The following DNAH7 variants were observed in gnomAD, a reference collection of about 807,000 sequenced individuals.
The protein encoded by DNAH7 is dynein axonemal heavy chain 7.
Under a neutral mutation model 444.6 loss-of-function variants are expected in DNAH7, and 397 were observed. The ratio of observed to expected loss-of-function variants is 0.89; its 90% CI spans 0.82 to 0.97. The LOEUF is 0.97. Ranked by LOEUF, DNAH7 falls within the 50% of genes least tolerant of loss-of-function variation. The pLI, the probability that DNAH7 is intolerant of heterozygous loss-of-function variation, is 0.00. For synonymous variants in DNAH7, 1,636 were observed against 1,624.4 expected, an observed-to-expected ratio of 1.01 and a Z score of -0.17; for missense variants, 4,902 against 4,800.8, an observed-to-expected ratio of 1.02 and a Z score of -0.62.
In DNAH7 at chr2:195,988,061, C is replaced by G. The variant is rs1165182268; in HGVS notation, c.1522G>C (p.Asp508His). 1.2e-6 allele frequency: 2 copies of G among 1,613,474 alleles called. No homozygotes were observed. Among genetic ancestry groups the G allele is most frequent in the African/African-American group, 2.7e-5 (2 of 74,860 alleles). ...DFLITRKAER[D>H]VDNFLAENHS... is the part of the protein sequence containing the mutation. ...TTTTCTGCGAGGAAGTTATCAACATCTCGCTCAGCTTTTCTGGTAATTAAA... is the reference window on the plus strand; with the variant it reads ...TTTTCTGCGAGGAAGTTATCAACATGTCGCTCAGCTTTTCTGGTAATTAAA... Residue 508 changes from aspartate to histidine, a missense_variant, in exon 13 of 65, where the codon GAT becomes CAT. By Grantham distance (81) the Asp-to-His change is moderately conservative. Coordinates refer to ENST00000312428, the MANE Select transcript of DNAH7 (RefSeq NM_018897.3).
chr2:196,060,947 A>C (rs1274793652), intron 1 of DNAH7, among the ~76,000 whole-genome samples: 1 of 152,104 alleles, frequency 6.6e-6, no homozygotes, highest in Non-Finnish European at 1.5e-5. Flanking sequence ...ATTCATTCTC[A>C]TTTTTTAAAG....
intron 61 of DNAH7, among the ~76,000 whole-genome samples, chr2:195,764,756 T>C (rs1204091520): frequency 6.6e-6 from 1 of 152,026 alleles, no homozygotes; most frequent in Non-Finnish European, 1.5e-5. Context: ...AATGGAAAGA[T>C]ATTCCATGTC....
chr2:195,808,276 G>A (rs1477657742), intron 53 of DNAH7, among the ~76,000 whole-genome samples: 1 of 152,174 alleles, frequency 6.6e-6, no homozygotes, highest in East Asian at 1.9e-4. Flanking sequence ...TAGAACTACT[G>A]TACAAGCTTT....
At chr2:195,963,596 G>A (rs560434499) in intron 17 of DNAH7, among the ~76,000 whole-genome samples, 1 of 152,262 alleles carries the variant, frequency 6.6e-6, no homozygotes, top group East Asian at 1.9e-4. Flanking sequence ...CCTTTGTTGT[G>A]CAGAAGTTTT....
At chr2:196,025,275 T>G (rs1695613403) in intron 7 of DNAH7, among the ~76,000 whole-genome samples, 1 of 152,176 alleles carries the variant, frequency 6.6e-6, no homozygotes, top group Non-Finnish European at 1.5e-5. Flanking sequence ...ATCAGAGAAG[T>G]CAGCTACCTC....
At chr2:195,953,835 A>G (rs955785928) in intron 19 of DNAH7, among the ~76,000 whole-genome samples, 5 of 152,236 alleles carry the variant, frequency 3.3e-5, no homozygotes, top group African/African-American at 1.2e-4. Context: ...AATGAAGGCA[A>G]TAACCTGATG....
In DNAH7 at chr2:196,006,047, C is replaced by T. The variant is rs186618221; in HGVS notation, c.990-4189G>A. Among the ~76,000 whole-genome samples the T allele has an allele frequency of 4.6e-5, 7 of 152,264 alleles. No homozygotes were observed. The South Asian group carries it at 1.2e-3, about 27-fold the overall frequency. On this transcript the variant is annotated intron_variant, in intron 10 of 64. Coordinates refer to ENST00000312428, the MANE Select transcript of DNAH7 (RefSeq NM_018897.3). ...AGTATTATATGATCATATGTGATGG[C>T]TCATGCCTGTAATCCCAACACTTTG...
intron 19 of DNAH7, among the ~76,000 whole-genome samples, chr2:195,947,547 G>A (rs1418073694): frequency 6.6e-6 from 1 of 151,990 alleles, no homozygotes; most frequent in Non-Finnish European, 1.5e-5. Context: ...TGTAGTGTTT[G>A]GTTTTCTGTT....
At chr2:195,960,168 T>A (rs565149424) in intron 18 of DNAH7, 92 bp downstream of exon 18, 3 of 1,024,532 alleles carry the variant, frequency 2.9e-6, no homozygotes, top group Non-Finnish European at 4.2e-6. Flanking sequence ...TATGAAATAT[T>A]ATGTGTGAAA....
intron 21 of DNAH7, among the ~76,000 whole-genome samples, chr2:195,932,889 C>T (rs1193554269): frequency 2.6e-5 from 4 of 151,900 alleles, no homozygotes; most frequent in South Asian, 2.1e-4. Context: ...TCTTTTTTTG[C>T]TGTGTCTCTG....
At chr2:196,068,635 C>A in intron 1 of DNAH7, 62 bp downstream of exon 1, 1 of 1,547,992 alleles carries the variant, frequency 6.5e-7, no homozygotes, top group African/African-American at 1.4e-5. Flanking sequence ...GCTTCCACCA[C>A]TTCCGAAACG....
At chr2:195,894,865 T>G (rs1702215124) in intron 30 of DNAH7, 111 bp downstream of exon 30, 1 of 1,102,716 alleles carries the variant, frequency 9.1e-7, no homozygotes, top group Non-Finnish European at 1.2e-6. Context: ...TTTGACTCAT[T>G]TTTCTCATGA....
At position 195,890,123 on chromosome 2, in the gene DNAH7, G is replaced by A. The variant is rs16841622; in HGVS notation, c.5047-1142C>T. Among the ~76,000 whole-genome samples, 2,941 of 152,198 alleles carry A rather than the reference G, an allele frequency of 0.019. 235 individuals carry two copies. The East Asian group carries it at 0.26, about 14-fold the overall frequency. On this transcript the variant is annotated intron_variant, in intron 31 of 64. Transcript: ENST00000312428. ...GAAGGATTTGAATCCATATTAGCAC[G>A]TTCTCAGTCCCTGCAGCCAACTGCA...
At chr2:195,986,874 G>C (rs1228330360) in intron 14 of DNAH7, among the ~76,000 whole-genome samples, 192 bp downstream of exon 14, 1 of 151,962 alleles carries the variant, frequency 6.6e-6, no homozygotes, top group Non-Finnish European at 1.5e-5. Context: ...CACATTTGTG[G>C]TGAAAAAAAT....
chr2:195,896,125 C>T (rs1702291764), intron 29 of DNAH7, among the ~76,000 whole-genome samples: 1 of 152,198 alleles, frequency 6.6e-6, no homozygotes, highest in South Asian at 2.1e-4. Context: ...TTTTAAGAAA[C>T]TGCTTAACTG....
Position 195,984,693 on chromosome 2 carries a change from T to G in DNAH7, c.1772A>C (p.Glu591Ala). Residue 591 changes from glutamate (E) to alanine (A), a missense_variant, in exon 15 of 65, where the codon GAG (glutamate) becomes GCG (alanine). Glu to Ala is a moderately radical substitution (Grantham distance 107). Transcript: ENST00000312428. ...EVNTRLCDEF[E>A]RIAEKALSTP... ...GCTAAGAGCTTTTTCAGCTATCCTC[T>G]CAAATTCATCGCATAATCTGAAACA... 1 of 1,613,968 alleles carries G rather than the reference T, an allele frequency of 6.2e-7. No homozygotes were observed. Among genetic ancestry groups the G allele is most frequent in the Non-Finnish European group, 8.5e-7 (1 of 1,179,934 alleles).
chr2:196,068,451 G>T, intron 1 of DNAH7: 1 of 558,844 alleles, frequency 1.8e-6, no homozygotes, highest in Non-Finnish European at 3.1e-6. Context: ...GGCTCCCCCT[G>T]CTGGCGCGCC....
chr2:195,773,420 C>CA lies in DNAH7; in HGVS notation c.11203-1531dup, dbSNP rs10718599. ...TATTCTAACAAGAGCTGTGCCTCTG[C>CA]AAAAAAAAAAAACAAATCCAGGTCT... On this transcript the variant is annotated intron_variant, in intron 60 of 64. Transcript: ENST00000312428. Among the ~76,000 whole-genome samples, 188 of 141,028 alleles carry CA rather than the reference C, an allele frequency of 1.3e-3. 2 individuals are homozygous for CA. Among genetic ancestry groups the CA allele is most frequent in the African/African-American group, 4.5e-3 (172 of 38,438 alleles). The allele number at this position is 141,028 out of a possible 152,430, so 92.5% of individuals were successfully genotyped here.
At chr2:195,888,158 A>C (rs1051622348) in intron 33 of DNAH7, 100 bp downstream of exon 33, 5 of 953,558 alleles carry the variant, frequency 5.2e-6, no homozygotes, top group Non-Finnish European at 7.5e-6. Flanking sequence ...TTGATTTAAT[A>C]TCTCTTAGCT....
Sources: gnomAD v4.1 joint callset for allele counts (sites outside exome capture counted in the v4.1 genomes callset) on GRCh38, gnomAD v4.1.1 for gene constraint, MANE v1.5 for transcripts, NCBI Gene and HGNC (gene_info 2026-07-23, HGNC 2026-07-21) for gene names.